SUGCT: variants seen among roughly 807,000 people sequenced by gnomAD.
The protein encoded by SUGCT is succinyl-CoA:glutarate-CoA transferase, also known as succinyl-CoA:glutarate CoA-transferase.
In SUGCT, 41 loss-of-function variants were observed where a neutral mutation model predicts 55.0. The ratio of observed to expected loss-of-function variants is 0.74; its 90% confidence interval spans 0.58 to 0.97. The LOEUF (loss-of-function observed/expected upper bound fraction) is 0.97. Ranked by LOEUF, SUGCT falls within the 50% of genes least tolerant of loss-of-function variation. The pLI, the probability that SUGCT is intolerant of heterozygous loss-of-function variation, is 0.00. For missense variants in SUGCT, 568 were observed against 547.8 expected (o/e 1.04, Z -0.37); for synonymous variants, 187 against 200.4 (o/e 0.93, Z 0.56).
At chr7:40,519,507 A>G (rs1793415742) in intron 12 of SUGCT, among the ~76,000 whole-genome samples, 1 of 152,006 alleles carries the variant, frequency 6.6e-6, no homozygotes, top group African/African-American at 2.4e-5. Context: ...TAAAATATTC[A>G]GTGAAACAAC....
chr7:40,905,994 G>T, the SUGCT span, among the ~76,000 whole-genome samples: 1 of 152,162 alleles, frequency 6.6e-6, no homozygotes, highest in South Asian at 2.1e-4. Context: ...AAAGTGCTGG[G>T]ATTACAGGCA....
chr7:40,650,955 C>A (rs1368474392), intron 12 of SUGCT, among the ~76,000 whole-genome samples: 1 of 152,090 alleles, frequency 6.6e-6, no homozygotes, highest in Non-Finnish European at 1.5e-5. Flanking sequence ...CACCTATAAA[C>A]AAGAACATAA....
chr7:40,176,104 T>C (rs1738122343), intron 1 of SUGCT, among the ~76,000 whole-genome samples: 1 of 152,028 alleles, frequency 6.6e-6, no homozygotes, highest in Non-Finnish European at 1.5e-5. Context: ...TGGTGGCACA[T>C]GCCTGTAATC....
At chr7:41,035,209 A>G in the SUGCT span, among the ~76,000 whole-genome samples, 1 of 152,188 alleles carries the variant, frequency 6.6e-6, no homozygotes, top group African/African-American at 2.4e-5. Context: ...GGTTCTTGAA[A>G]CTTTTTCTTG....
the SUGCT span, among the ~76,000 whole-genome samples, chr7:40,929,285 G>T: frequency 4.6e-3 from 700 of 152,216 alleles, 2 homozygotes; most frequent in Middle Eastern, 0.017. Flanking sequence ...AGTATTCCAT[G>T]GTGTATATGT....
At chr7:40,458,706 T>C (rs1269261073) in intron 10 of SUGCT, among the ~76,000 whole-genome samples, 1 of 152,200 alleles carries the variant, frequency 6.6e-6, no homozygotes, top group Non-Finnish European at 1.5e-5. Flanking sequence ...AGATATGCAC[T>C]TAGGATATTG....
intron 13 of SUGCT, among the ~76,000 whole-genome samples, chr7:40,830,214 G>T (rs1792583067): frequency 1.3e-5 from 2 of 152,054 alleles, no homozygotes; most frequent in Admixed American, 1.3e-4. Flanking sequence ...CTTCACCCTT[G>T]GGCTACCAGT....
At chr7:40,942,967 T>A in the SUGCT span, among the ~76,000 whole-genome samples, 4 of 151,824 alleles carry the variant, frequency 2.6e-5, no homozygotes, top group Admixed American at 6.6e-5. Context: ...ATATCCTGAA[T>A]TTTTTTTACA....
At chr7:40,796,245 G>C (rs1370342628) in intron 13 of SUGCT, among the ~76,000 whole-genome samples, 1 of 152,276 alleles carries the variant, frequency 6.6e-6, no homozygotes, top group East Asian at 1.9e-4. Context: ...GGGGATCTGA[G>C]TGTTGGTGTC....
At chr7:40,863,300 A>AG (rs1794526820), downstream of SUGCT, among the ~76,000 whole-genome samples, 1 of 152,318 alleles carries the variant, frequency 6.6e-6, no homozygotes, top group Admixed American at 6.5e-5. Context: ...ACCACAAGGC[A>AG]GGGCTTTGGC....
In SUGCT at chr7:40,245,404, C is replaced by CACACATAT. The variant is rs1252155153; in HGVS notation, c.576+7679_576+7680insCACATATA. The stretch of plus-strand genomic sequence containing the variant: ...TAAATTTTTATAGGTACGTAGTAGA[C>CACACATAT]ATATATATATATATATATATTTTTT... On this transcript the variant is annotated intron_variant, in intron 7 of 13. Coordinates refer to ENST00000335693, the MANE Select transcript of SUGCT (RefSeq NM_001193313.2). Among the ~76,000 whole-genome samples, 146 of 53,306 alleles carry CACACATAT rather than the reference C, an allele frequency of 2.7e-3. 5 individuals carry two copies. The highest frequency in any genetic ancestry group is 0.013 in the African/African-American group (138 of 10,798). 35.0% of individuals were successfully genotyped at this position (53,306 alleles called of 152,430 possible).
chr7:40,649,431 C>T (rs1397298657), intron 12 of SUGCT, among the ~76,000 whole-genome samples: 1 of 152,084 alleles, frequency 6.6e-6, no homozygotes, highest in East Asian at 1.9e-4. Flanking sequence ...GATTATGTAA[C>T]TTGCCCTAAG....
the SUGCT span, among the ~76,000 whole-genome samples, chr7:40,901,657 A>G: frequency 6.6e-6 from 1 of 152,216 alleles, no homozygotes; most frequent in Admixed American, 6.5e-5. Context: ...CTTGGCACAT[A>G]GATCCCAAAG....
At chr7:40,438,723 G>A (rs1054151042) in intron 9 of SUGCT, among the ~76,000 whole-genome samples, 11 of 151,814 alleles carry the variant, frequency 7.2e-5, no homozygotes, top group East Asian at 1.9e-4. Context: ...AGCCCAATTC[G>A]CTGCGTATGA....
intron 9 of SUGCT, among the ~76,000 whole-genome samples, chr7:40,426,825 T>G (rs1354428960): frequency 6.6e-6 from 1 of 152,160 alleles, no homozygotes; most frequent in Non-Finnish European, 1.5e-5. Context: ...TTTTTAATTT[T>G]TTTTAAGAGA....
intron 12 of SUGCT, among the ~76,000 whole-genome samples, chr7:40,530,992 T>C (rs1407602193): frequency 1.3e-5 from 2 of 152,192 alleles, no homozygotes; most frequent in Non-Finnish European, 2.9e-5. Context: ...GTAAAATTTG[T>C]ATAAGTTTAT....
At chr7:40,231,979 T>A (rs1159928384) in intron 6 of SUGCT, among the ~76,000 whole-genome samples, 6 of 152,130 alleles carry the variant, frequency 3.9e-5, no homozygotes, top group African/African-American at 4.8e-5. Context: ...TGCATGCCTG[T>A]GGTCACAGTT....
At chr7:40,707,294 C>T (rs1383295404) in intron 12 of SUGCT, among the ~76,000 whole-genome samples, 1 of 150,804 alleles carries the variant, frequency 6.6e-6, no homozygotes, top group East Asian at 1.9e-4. Context: ...TTCTTCGTCT[C>T]CTTTCTTTGC....
chr7:40,516,723 T>A (rs1382259567), intron 12 of SUGCT, among the ~76,000 whole-genome samples: 2 of 152,190 alleles, frequency 1.3e-5, no homozygotes, highest in African/African-American at 4.8e-5. Flanking sequence ...CTGTCTTGAT[T>A]ACTGTAGCTC....
Sources: allele counts gnomAD v4.1 joint callset (sites outside exome capture counted in the v4.1 genomes callset), GRCh38; gene constraint gnomAD v4.1.1; transcripts MANE v1.5; gene names NCBI Gene and HGNC (gene_info 2026-07-23, HGNC 2026-07-21).